Variants in LYN observed in about 807,000 individuals in gnomAD.
The protein encoded by LYN is LYN proto-oncogene, Src family tyrosine kinase.
In LYN, 12 loss-of-function variants were observed where a neutral mutation model predicts 65.0. The ratio of observed to expected loss-of-function variants is 0.18; its 90% CI spans 0.12 to 0.30. The LOEUF (loss-of-function observed/expected upper bound fraction) is 0.30. LYN is among the 10% of genes least tolerant of loss of function. LYN has a pLI of 1.00. For missense variants in LYN, 380 were observed against 623.2 expected (o/e 0.61, Z 4.16); for synonymous variants, 222 against 221.2 (o/e 1.00, Z -0.03).
Position 55,950,712 on chromosome 8 carries a change from G to A in LYN, c.415G>A (p.Ala139Thr), listed in dbSNP as rs752739111. The A allele has an allele frequency of 2.7e-5, 43 of 1,613,864 alleles. No homozygotes were observed. Among genetic ancestry groups the A allele is most frequent in the Non-Finnish European group, 3.5e-5 (41 of 1,179,838 alleles). ...WFFKDITRKD[A>T]ERQLLAPGNS... ...TTTCAAGGATATAACCAGGAAGGAC[G>A]CAGAAAGGCAGCTTTTGGCACCAGG... The change falls in exon 6 of 13, where the codon GCA becomes ACA. Residue 139 changes from alanine (A) to threonine (T), a missense_variant. Ala to Thr is a moderately conservative substitution (Grantham distance 58, BLOSUM62 0). Transcript: ENST00000519728.
At chr8:55,959,301 A>G (rs920890180) in intron 8 of LYN, among the ~76,000 whole-genome samples, 4 of 152,196 alleles carry the variant, frequency 2.6e-5, no homozygotes, top group African/African-American at 9.7e-5. Context: ...GGAGAAACGT[A>G]TGTTCAAGTC....
chr8:55,986,372 C>T (rs532357523), intron 10 of LYN, among the ~76,000 whole-genome samples: 19 of 152,256 alleles, frequency 1.2e-4, no homozygotes, highest in African/African-American at 3.1e-4. Context: ...TATCTATCTT[C>T]GGGGTAGTAC....
At chr8:56,001,091 C>T (rs1046241326) in intron 12 of LYN, among the ~76,000 whole-genome samples, 1 of 152,026 alleles carries the variant, frequency 6.6e-6, no homozygotes, top group Non-Finnish European at 1.5e-5. Flanking sequence ...TTCCATGGTC[C>T]TGGCAGCAGC....
intron 1 of LYN, among the ~76,000 whole-genome samples, chr8:55,884,350 C>T (rs1804730366): frequency 6.6e-6 from 1 of 152,098 alleles, no homozygotes; most frequent in Non-Finnish European, 1.5e-5. Context: ...AGTGATCTGC[C>T]CGTCTCGTCC....
chr8:56,005,300 C>G (rs1412994492), intron 12 of LYN, among the ~76,000 whole-genome samples: 1 of 152,198 alleles, frequency 6.6e-6, no homozygotes, highest in Non-Finnish European at 1.5e-5. Context: ...TGGCCCATGT[C>G]TTCAGTCTTT....
At chr8:55,908,137 C>T (rs570903881) in intron 1 of LYN, among the ~76,000 whole-genome samples, 4 of 152,072 alleles carry the variant, frequency 2.6e-5, no homozygotes, top group Non-Finnish European at 4.4e-5. Context: ...GCAGGCAACC[C>T]GTTTTTTCCT....
intron 1 of LYN, among the ~76,000 whole-genome samples, chr8:55,936,326 G>C (rs550402547): frequency 6.6e-6 from 1 of 152,170 alleles, no homozygotes; most frequent in Non-Finnish European, 1.5e-5. Flanking sequence ...AAGGCAGCAA[G>C]ACCTTGCATC....
chr8:55,964,391 T>C (rs996607785), intron 8 of LYN, among the ~76,000 whole-genome samples: 2 of 152,104 alleles, frequency 1.3e-5, no homozygotes, highest in Non-Finnish European at 2.9e-5. Flanking sequence ...AGCTCCTAAG[T>C]ATTAACCAAA....
rs1808887333 is a variant in LYN, at chr8:56,014,100, A to G, written c.*3990A>G. 1 of 152,242 alleles carries G rather than the reference A, an allele frequency of 6.6e-6. No homozygotes were observed. Among genetic ancestry groups the G allele is most frequent in the African/African-American group, 2.4e-5 (1 of 41,458 alleles). 9.4% of individuals were successfully genotyped at this position (152,242 alleles called of 1,614,324 possible). On this transcript the variant is annotated 3_prime_UTR_variant, in exon 13 of 13. Coordinates refer to ENST00000519728, the MANE Select transcript of LYN (RefSeq NM_002350.4). Reference sequence around the variant, plus strand: ...CACAGCTGAGAGATCGGGAGCATTTAAAGCCACAGAAGGAATAGATTGGCT... The same window carrying G: ...CACAGCTGAGAGATCGGGAGCATTTGAAGCCACAGAAGGAATAGATTGGCT...
intron 8 of LYN, among the ~76,000 whole-genome samples, chr8:55,962,328 A>G (rs1421205872): frequency 6.6e-6 from 1 of 151,746 alleles, no homozygotes; most frequent in Non-Finnish European, 1.5e-5. Flanking sequence ...ATTCATCTTC[A>G]TGCCATATGG....
At position 56,012,183 on chromosome 8, in the gene LYN, G is replaced by A. The variant is rs1808838182; in HGVS notation, c.*2073G>A. ...ATGTGTGGAAGTCACACGTTCCCTT[G>A]ATGAACAGCACACACAGTCTCCTTA... On this transcript the variant is annotated 3_prime_UTR_variant, in exon 13 of 13. Coordinates refer to ENST00000519728, the MANE Select transcript of LYN (RefSeq NM_002350.4). The A allele has an allele frequency of 5.7e-6, 1 of 176,576 alleles. No homozygotes were observed. The highest frequency in any genetic ancestry group is 1.1e-5 in the Non-Finnish European group (1 of 86,960). 10.9% of individuals were successfully genotyped at this position (176,576 alleles called of 1,614,324 possible). A position where few individuals can be genotyped will look rare whatever the true frequency, so the allele number is the denominator to read the frequency against.
At chr8:55,908,425 C>T (rs6474032) in intron 1 of LYN, among the ~76,000 whole-genome samples, 1 of 151,208 alleles carries the variant, frequency 6.6e-6, no homozygotes, top group East Asian at 1.9e-4. Context: ...TTGTATTTTT[C>T]GTAGAGACAG....
At chr8:55,897,861 C>T (rs527331362) in intron 1 of LYN, among the ~76,000 whole-genome samples, 4 of 152,112 alleles carry the variant, frequency 2.6e-5, no homozygotes, top group African/African-American at 4.8e-5. Flanking sequence ...TGCAGTGAGT[C>T]GAGATCGCGC....
At chr8:55,915,515 G>C (rs2130421377) in intron 1 of LYN, among the ~76,000 whole-genome samples, 1 of 152,232 alleles carries the variant, frequency 6.6e-6, no homozygotes, top group South Asian at 2.1e-4. Flanking sequence ...GACCAGCCTG[G>C]TCAACATGGT....
chr8:55,906,011 G>A (rs1251736368), intron 1 of LYN, among the ~76,000 whole-genome samples: 22 of 152,210 alleles, frequency 1.4e-4, no homozygotes, highest in Admixed American at 1.4e-3. Context: ...GCATTCAGTA[G>A]TTTTGTGTTG....
chr8:55,989,369 A>G (rs541451434), intron 10 of LYN, among the ~76,000 whole-genome samples: 1 of 152,312 alleles, frequency 6.6e-6, no homozygotes, highest in African/African-American at 2.4e-5. Context: ...TCCATCTGAT[A>G]TATTACCTAG....
At chr8:55,895,472 C>T (rs549955082) in intron 1 of LYN, 26 of 152,202 alleles carry the variant, frequency 1.7e-4, no homozygotes, top group Admixed American at 3.9e-4. Flanking sequence ...AGCATGATGT[C>T]GTAGTCATAA....
chr8:55,899,253 C>T (rs1008270569), intron 1 of LYN, among the ~76,000 whole-genome samples: 1 of 152,080 alleles, frequency 6.6e-6, no homozygotes, highest in Non-Finnish European at 1.5e-5. Context: ...TATTGATATT[C>T]TTGTTATTGA....
At chr8:55,972,102 G>T (rs1473343826) in intron 10 of LYN, among the ~76,000 whole-genome samples, 2 of 152,158 alleles carry the variant, frequency 1.3e-5, no homozygotes, top group Non-Finnish European at 1.5e-5. Context: ...CAGGTCCAGG[G>T]TCTCTTTCCT....
Sources: allele counts gnomAD v4.1 joint callset (sites outside exome capture counted in the v4.1 genomes callset), GRCh38; gene constraint gnomAD v4.1.1; transcripts MANE v1.5; gene names NCBI Gene and HGNC (gene_info 2026-07-23, HGNC 2026-07-21).